The following MICAL3 variants were observed in gnomAD, a reference collection of about 807,000 sequenced individuals.
MICAL3 encodes microtubule associated monooxygenase, calponin and LIM domain containing 3, also known as [F-actin]-monooxygenase MICAL3.
A neutral mutation model predicts 207.4 loss-of-function variants in MICAL3; 62 were observed. The observed-to-expected ratio is 0.30, with a 90% CI of 0.24 to 0.37. The LOEUF is 0.37. MICAL3 is among the 10% of genes least tolerant of loss of function. MICAL3 has a pLI of 1.00. For missense variants in MICAL3, 2,368 were observed against 2,635.6 expected (o/e 0.90, Z 2.22); for synonymous variants, 1,077 against 1,069.3 (o/e 1.01, Z -0.14).
chr22:17,956,641 C>G (rs1934629318), intron 1 of MICAL3, among the ~76,000 whole-genome samples: 1 of 152,152 alleles, frequency 6.6e-6, no homozygotes, highest in Admixed American at 6.5e-5. Context: ...TGCACTCCAG[C>G]CTGGGCACAG....
At chr22:17,807,586 G>A (rs570153811) in intron 29 of MICAL3, among the ~76,000 whole-genome samples, 10 of 152,252 alleles carry the variant, frequency 6.6e-5, no homozygotes, top group Non-Finnish European at 8.8e-5. Context: ...TTGACTGAAG[G>A]TCATCACTGA....
intron 1 of MICAL3, among the ~76,000 whole-genome samples, chr22:17,949,762 A>T (rs566939087): frequency 2.0e-5 from 3 of 152,364 alleles, no homozygotes; most frequent in Admixed American, 6.5e-5. Context: ...AAAGCAGAGG[A>T]CGAAACAGCC....
Position 17,789,936 on chromosome 22 carries a change from C to T in MICAL3, c.*796G>A, listed in dbSNP as rs2145942908. 1 of 152,346 alleles carries T rather than the reference C, an allele frequency of 6.6e-6. No homozygotes were observed. The highest frequency in any genetic ancestry group is 2.1e-4 in the South Asian group (1 of 4,834). 9.4% of individuals were successfully genotyped at this position (152,346 alleles called of 1,614,324 possible). A position where few individuals can be genotyped will look rare whatever the true frequency, so the allele number is the denominator to read the frequency against. ...AGGAAAAGGTCATCTCCTGTCCCGA[C>T]ATAAATGTGGAACAGGGACAATGCC... On this transcript the variant is annotated 3_prime_UTR_variant, in exon 32 of 32. Coordinates refer to ENST00000441493, the MANE Select transcript of MICAL3 (RefSeq NM_015241.3).
At chr22:17,830,609 C>G (rs3804054) in intron 21 of MICAL3, among the ~76,000 whole-genome samples, 1 of 152,222 alleles carries the variant, frequency 6.6e-6, no homozygotes, top group African/African-American at 2.4e-5. Flanking sequence ...GCAGAGGCCA[C>G]GCCGGCACCT....
chr22:17,837,340 TGACA>T (rs548224752), intron 20 of MICAL3, among the ~76,000 whole-genome samples: 4 of 152,372 alleles, frequency 2.6e-5, no homozygotes, highest in African/African-American at 4.8e-5. Flanking sequence ...CGTGTTATTC[TGACA>T]GACAGCAACG....
At chr22:17,910,590 G>A (rs547404101) in intron 1 of MICAL3, among the ~76,000 whole-genome samples, 3 of 152,278 alleles carry the variant, frequency 2.0e-5, no homozygotes, top group Non-Finnish European at 4.4e-5. Context: ...GGAACAATGC[G>A]ACCGGCACCC....
chr22:17,948,170 C>G (rs1934164169), intron 1 of MICAL3, among the ~76,000 whole-genome samples: 1 of 152,216 alleles, frequency 6.6e-6, no homozygotes, highest in African/African-American at 2.4e-5. Context: ...TCTGGCAAGT[C>G]CCCACTCCCA....
At position 17,914,104 on chromosome 22, in the gene MICAL3, C is replaced by A. The variant is rs1167696300; in HGVS notation, c.-74-7218G>T. Among the ~76,000 whole-genome samples the A allele has an allele frequency of 2.0e-5, 3 of 152,218 alleles. No homozygotes were observed. In the South Asian group the frequency reaches 6.2e-4, roughly 31 times the overall value. ...TATCATCCAGCAGTTTATCAATAAA[C>A]TCCAGCAATGAAAGCGCATACTCAG... On this transcript the variant is annotated intron_variant, in intron 1 of 31. Coordinates refer to ENST00000441493, the MANE Select transcript of MICAL3 (RefSeq NM_015241.3).
At chr22:17,870,750 T>C (rs1227001925) in intron 17 of MICAL3, among the ~76,000 whole-genome samples, 1 of 152,174 alleles carries the variant, frequency 6.6e-6, no homozygotes, top group Admixed American at 6.5e-5. Context: ...GCCTGCCTTA[T>C]CTAAACAGCG....
intron 1 of MICAL3, among the ~76,000 whole-genome samples, chr22:17,954,140 A>C (rs765777240): frequency 3.3e-5 from 5 of 152,142 alleles, no homozygotes; most frequent in Non-Finnish European, 5.9e-5. Flanking sequence ...ACGAGTATAG[A>C]AACTTTTATT....
At chr22:17,911,706 C>T (rs559393997) in intron 1 of MICAL3, among the ~76,000 whole-genome samples, 2 of 152,190 alleles carry the variant, frequency 1.3e-5, no homozygotes, top group South Asian at 4.2e-4. Context: ...GTGGCATTCG[C>T]CTGTGGTCCC....
At chr22:17,846,858 G>A (rs2146087795) in intron 19 of MICAL3, among the ~76,000 whole-genome samples, 1 of 152,286 alleles carries the variant, frequency 6.6e-6, no homozygotes, top group East Asian at 1.9e-4. Context: ...CATACCACAA[G>A]GAAACAGCTC....
At chr22:17,887,769 G>C (rs898468968) in intron 13 of MICAL3, among the ~76,000 whole-genome samples, 1 of 152,220 alleles carries the variant, frequency 6.6e-6, no homozygotes, top group Non-Finnish European at 1.5e-5. Flanking sequence ...GCTCGTTTTT[G>C]TGACAAAAAT....
chr22:17,928,337 G>C lies in MICAL3; in HGVS notation c.-74-21451C>G, dbSNP rs186443053. ...ATCTGTAGTCCCAGCTACTCAGGAG[G>C]CTGAGGCAGGAGAATGGCGTGAACC... On this transcript the variant is annotated intron_variant, in intron 1 of 31. Transcript: ENST00000441493. Among the ~76,000 whole-genome samples, 399 of 152,190 alleles carry C rather than the reference G, an allele frequency of 2.6e-3. 2 individuals carry two copies. Among genetic ancestry groups the C allele is most frequent in the Non-Finnish European group, 4.6e-3 (316 of 68,016 alleles).
rs755990414 is a variant in MICAL3, at chr22:17,818,695, G to T, written c.3966C>A (p.Asp1322Glu). 1.9e-6 allele frequency: 3 copies of T among 1,613,832 alleles called. No individual in the cohort carries two copies. Among genetic ancestry groups the T allele is most frequent in the Middle Eastern group, 1.6e-4 (1 of 6,062 alleles). The stretch of plus-strand genomic sequence containing the variant: ...TCTTCATCCAGAACTCCTCCACCAG[G>T]TCGCTCCGTCTGAGGGCCTCATCCA... ...LAVDEALRRS[D>E]LVEEFWMKSA... Residue 1322 changes from aspartate (D) to glutamate (E), a missense_variant, in exon 26 of 32, where the codon GAC (aspartate) becomes GAA (glutamate). Physicochemically the swap from Asp to Glu is conservative, Grantham distance 45 (BLOSUM62 2). Coordinates refer to ENST00000441493, the MANE Select transcript of MICAL3 (RefSeq NM_015241.3).
At chr22:17,928,540 G>A (rs1184011936) in intron 1 of MICAL3, among the ~76,000 whole-genome samples, 1 of 152,196 alleles carries the variant, frequency 6.6e-6, no homozygotes, top group Admixed American at 6.5e-5. Flanking sequence ...TTCACTCACT[G>A]AGATAAGACT....
intron 1 of MICAL3, among the ~76,000 whole-genome samples, chr22:17,986,507 G>A (rs1245385412): frequency 6.6e-6 from 1 of 151,740 alleles, no homozygotes; most frequent in African/African-American, 2.4e-5. Flanking sequence ...GCAACAGAGC[G>A]AGAATCTGTC....
intron 19 of MICAL3, among the ~76,000 whole-genome samples, chr22:17,850,921 T>C (rs1262924505): frequency 6.6e-6 from 1 of 152,224 alleles, no homozygotes; most frequent in Non-Finnish European, 1.5e-5. Flanking sequence ...TCACGTGTTA[T>C]ACCATCTCAC....
chr22:17,822,919 C>T, intron 23 of MICAL3, 28 bp downstream of exon 23: 1 of 1,488,790 alleles, frequency 6.7e-7, no homozygotes, highest in Non-Finnish European at 9.3e-7. Context: ...GAGCTCCCAC[C>T]ACAGGGGCGG....
Sources: allele counts gnomAD v4.1 joint callset (sites outside exome capture counted in the v4.1 genomes callset), GRCh38; gene constraint gnomAD v4.1.1; transcripts MANE v1.5; gene names NCBI Gene and HGNC (gene_info 2026-07-23, HGNC 2026-07-21).